PPM1L: variants seen among roughly 807,000 people sequenced by gnomAD.
The protein encoded by PPM1L is protein phosphatase, Mg2+/Mn2+ dependent 1L.
PPM1L carries 13 observed loss-of-function variants against 31.4 expected under a neutral mutation model. The observed-to-expected ratio is 0.41, with a 90% confidence interval of 0.27 to 0.66. The LOEUF (loss-of-function observed/expected upper bound fraction) is 0.66, where lower values mean the gene tolerates loss of function less well. Among genes scored for constraint, PPM1L ranks in the 30% least tolerant of loss-of-function variants. PPM1L has a pLI of 0.29. For synonymous variants in PPM1L, 184 were observed against 175.4 expected (o/e 1.05, Z -0.39); for missense variants, 326 against 453.7 (o/e 0.72, Z 2.56).
intron 2 of PPM1L, among the ~76,000 whole-genome samples, chr3:161,064,023 G>GT (rs1346116095): frequency 1.3e-5 from 2 of 152,036 alleles, no homozygotes; most frequent in Non-Finnish European, 2.9e-5. Context: ...CTGTCAGGGG[G>GT]TGTGGGGCAA....
chr3:160,858,987 C>T (rs1711808335), intron 1 of PPM1L, among the ~76,000 whole-genome samples: 1 of 152,112 alleles, frequency 6.6e-6, no homozygotes, highest in Non-Finnish European at 1.5e-5. Flanking sequence ...TCTATACTTC[C>T]CGTGGCCACT....
rs564331000 is a variant in PPM1L at position 160,947,682 on chromosome 3, A to G, written c.400-14054A>G. 1.4e-4 allele frequency among the ~76,000 whole-genome samples: 22 copies of G among 152,282 alleles called. No homozygotes were observed. The South Asian group carries it at 3.5e-3, about 24-fold the overall frequency. On this transcript the variant is annotated intron_variant, in intron 1 of 3. Transcript: ENST00000498165. ...AACAGCTAAAAGAGCACACCCGTCT[A>G]TGTAGCAAAATAGTGGGAAGATTCA...
intron 2 of PPM1L, among the ~76,000 whole-genome samples, chr3:161,012,954 C>T (rs7433918): frequency 0.36 from 54,591 of 151,754 alleles, 10,320 homozygotes; most frequent in East Asian, 0.64. Context: ...ATTGTTGATC[C>T]TTTCAAAAAA....
intron 1 of PPM1L, among the ~76,000 whole-genome samples, chr3:160,872,675 C>T (rs1341998534): frequency 6.6e-6 from 1 of 151,960 alleles, no homozygotes; most frequent in Non-Finnish European, 1.5e-5. Context: ...GTCTGTAATC[C>T]CAGCACTTTG....
At chr3:161,068,099 G>C (rs1719792422) in intron 3 of PPM1L, among the ~76,000 whole-genome samples, 1 of 152,114 alleles carries the variant, frequency 6.6e-6, no homozygotes, top group African/African-American at 2.4e-5. Flanking sequence ...AAAAATAATA[G>C]ATACAATTGT....
intron 1 of PPM1L, among the ~76,000 whole-genome samples, chr3:160,797,174 A>T (rs1216212229): frequency 6.6e-6 from 1 of 152,044 alleles, no homozygotes; most frequent in Non-Finnish European, 1.5e-5. Context: ...TGTCTCTGTC[A>T]TATTTTGGTA....
At chr3:160,856,307 A>C (rs1711702191) in intron 1 of PPM1L, among the ~76,000 whole-genome samples, 1 of 152,160 alleles carries the variant, frequency 6.6e-6, no homozygotes, top group South Asian at 2.1e-4. Flanking sequence ...ATTAACCATC[A>C]CATTGGTAAA....
At chr3:160,841,939 T>G (rs1713894502) in intron 1 of PPM1L, among the ~76,000 whole-genome samples, 1 of 152,178 alleles carries the variant, frequency 6.6e-6, no homozygotes, top group Admixed American at 6.5e-5. Flanking sequence ...TAGCTGAAGC[T>G]CAGGTAATAT....
rs959252409 is a variant in PPM1L, at chr3:161,071,143, G to A, written c.*1986G>A. The A allele has an allele frequency of 6.6e-6, 1 of 152,290 alleles. No homozygotes were observed. The allele number at this position is 152,290 out of a possible 1,614,324, so 9.4% of individuals were successfully genotyped here. A position where few individuals can be genotyped will look rare whatever the true frequency, so the allele number is the denominator to read the frequency against. On this transcript the variant is annotated 3_prime_UTR_variant, in exon 4 of 4. Transcript: ENST00000498165. ...GGAAAACAAATGCTGGCTGTGAGCA[G>A]TGCTGAGATGGCCAGGCCAGGCGGC...
At chr3:160,857,986 A>C (rs1413826104) in intron 1 of PPM1L, among the ~76,000 whole-genome samples, 1 of 152,186 alleles carries the variant, frequency 6.6e-6, no homozygotes, top group Non-Finnish European at 1.5e-5. Context: ...AGCCCTCTCC[A>C]GTATTCCAGC....
chr3:160,999,169 T>A (rs1717408891), intron 2 of PPM1L, among the ~76,000 whole-genome samples: 1 of 152,196 alleles, frequency 6.6e-6, no homozygotes, highest in South Asian at 2.1e-4. Context: ...GGAACTCATT[T>A]AATCCTCACA....
At chr3:160,764,371 A>G (rs953160907) in intron 1 of PPM1L, among the ~76,000 whole-genome samples, 1 of 151,632 alleles carries the variant, frequency 6.6e-6, no homozygotes, top group Admixed American at 6.5e-5. Flanking sequence ...GTAGATTTAA[A>G]TCTTGTTTTT....
chr3:160,758,829 A>G (rs968211392), intron 1 of PPM1L, among the ~76,000 whole-genome samples: 1 of 152,232 alleles, frequency 6.6e-6, no homozygotes, highest in African/African-American at 2.4e-5. Flanking sequence ...AAACCATGAA[A>G]TACTTTTCTT....
intron 2 of PPM1L, among the ~76,000 whole-genome samples, chr3:161,014,486 T>C (rs910191643): frequency 6.6e-6 from 1 of 151,384 alleles, no homozygotes; most frequent in Non-Finnish European, 1.5e-5. Context: ...TTTTTTTTTT[T>C]TTTTTTTAGA....
chr3:161,065,788 G>A (rs1719721127), intron 3 of PPM1L, among the ~76,000 whole-genome samples: 1 of 152,176 alleles, frequency 6.6e-6, no homozygotes, highest in Non-Finnish European at 1.5e-5. Context: ...CCCATTTCCA[G>A]TTTAAAGGCT....
At chr3:160,873,162 T>G (rs1712376927) in intron 1 of PPM1L, among the ~76,000 whole-genome samples, 1 of 152,180 alleles carries the variant, frequency 6.6e-6, no homozygotes, top group African/African-American at 2.4e-5. Context: ...GTAGCTAACT[T>G]CCTATTCTCA....
chr3:160,789,361 G>C (rs1712031009), intron 1 of PPM1L, among the ~76,000 whole-genome samples: 1 of 151,856 alleles, frequency 6.6e-6, no homozygotes, highest in South Asian at 2.1e-4. Context: ...AGATTTTCTT[G>C]TTGTCTAATC....
intron 2 of PPM1L, among the ~76,000 whole-genome samples, chr3:161,003,371 T>A (rs1354980029): frequency 6.6e-6 from 1 of 151,968 alleles, no homozygotes; most frequent in Non-Finnish European, 1.5e-5. Context: ...TCCAATTCTG[T>A]GAAGAAAGGC....
chr3:160,939,239 A>T (rs1006670132), intron 1 of PPM1L, among the ~76,000 whole-genome samples: 1 of 151,998 alleles, frequency 6.6e-6, no homozygotes, highest in Non-Finnish European at 1.5e-5. Context: ...CTCCAAACAC[A>T]CGTACATACT....
Sources: gnomAD v4.1 joint callset for allele counts (sites outside exome capture counted in the v4.1 genomes callset) on GRCh38, gnomAD v4.1.1 for gene constraint, MANE v1.5 for transcripts, NCBI Gene and HGNC (gene_info 2026-07-23, HGNC 2026-07-21) for gene names.